The following UBE2T variants were observed in gnomAD, a reference collection of about 807,000 sequenced individuals.
UBE2T encodes the protein ubiquitin conjugating enzyme E2 T, also known as ubiquitin-conjugating enzyme E2 T.
UBE2T carries 15 observed loss-of-function variants against 23.3 expected under a neutral mutation model. The ratio of observed to expected loss-of-function variants is 0.64; its 90% confidence interval spans 0.43 to 0.99. The LOEUF is 0.99. Among genes scored for constraint, UBE2T ranks in the 50% least tolerant of loss-of-function variants. The probability of loss-of-function intolerance (pLI) is 0.00; values close to 1 mark genes in which losing one functional copy is unlikely to be tolerated. For synonymous variants in UBE2T, 67 were observed against 78.4 expected, an observed-to-expected ratio of 0.85 and a Z score of 0.77; for missense variants, 197 against 234.9, an observed-to-expected ratio of 0.84 and a Z score of 1.05.
At chr1:202,340,693 G>A (rs1654983249) in intron 1 of UBE2T, among the ~76,000 whole-genome samples, 1 of 152,102 alleles carries the variant, frequency 6.6e-6, no homozygotes, top group Admixed American at 6.5e-5. Context: ...CATCCCTCAT[G>A]GATACAGAGG....
Position 202,332,935 on chromosome 1 carries a change from A to C in UBE2T, c.468+75T>G, listed in dbSNP as rs963618763. On this transcript the variant is annotated intron_variant, in intron 6 of 6. Transcript: ENST00000646651. ...AAAAAAAAAAAAAAAAAAAAAAAAAAAAAAACATTATTTATACATATATAC... is the reference window on the plus strand; with the variant it reads ...AAAAAAAAAAAAAAAAAAAAAAAAACAAAAACATTATTTATACATATATAC... 21 of 498,280 alleles carry C rather than the reference A, an allele frequency of 4.2e-5. 1 individual carries two copies. Among genetic ancestry groups the C allele is most frequent in the East Asian group, 5.1e-5 (1 of 19,514 alleles). The allele number at this position is 498,280 out of a possible 1,614,324, so 30.9% of individuals were successfully genotyped here.
chr1:202,335,061 T>TA lies in UBE2T; in HGVS notation c.110-4dup. 6.2e-7 allele frequency: 1 copy of TA among 1,605,828 alleles called. No individual in the cohort carries two copies. The highest frequency in any genetic ancestry group is 8.5e-7 in the Non-Finnish European group (1 of 1,175,782). On this transcript the variant is annotated splice_polypyrimidine_tract_variant and splice_region_variant and intron_variant, in intron 2 of 6. Coordinates refer to ENST00000646651, the MANE Select transcript of UBE2T (RefSeq NM_014176.4). The surrounding 1 kb of genome is among the most constrained non-coding windows in gnomAD (Gnocchi z 4.0). ...TGTGTTGGCTCCACCTAATATTTCTTAAAAGAAAAAAGAAAGAAAAAGTTA... is the reference window on the plus strand; with the variant it reads ...TGTGTTGGCTCCACCTAATATTTCTTAAAAAGAAAAAAGAAAGAAAAAGTTA...
At chr1:202,334,824 G>A (rs1028869486) in intron 3 of UBE2T, among the ~76,000 whole-genome samples, 165 bp downstream of exon 3, 2 of 152,186 alleles carry the variant, frequency 1.3e-5, no homozygotes, top group Admixed American at 1.3e-4. Flanking sequence ...TCTGGAGAAG[G>A]AAACTGAACT....
chr1:202,333,047 C>G lies in UBE2T; in HGVS notation c.431G>C (p.Arg144Thr). 1.2e-6 allele frequency: 2 copies of G among 1,611,006 alleles called. No homozygotes were observed. Among genetic ancestry groups the G allele is most frequent in the African/African-American group, 2.7e-5 (2 of 74,374 alleles). Residue 144 changes from arginine to threonine, a missense_variant, in exon 6 of 7, where the codon AGA (arginine) becomes ACA (threonine). Arg to Thr is a moderately conservative substitution (Grantham distance 71). Coordinates refer to ENST00000646651, the MANE Select transcript of UBE2T (RefSeq NM_014176.4). ...TCTTGCATGCTTCTCTGTCCACTGT[C>G]TGGCATTCTTGAGGAAGGCTGGCTT... ...YNKPAFLKNARQWTEKHARQK... is the reference protein window; with the variant it reads ...YNKPAFLKNATQWTEKHARQK...
rs762338421 is a variant in UBE2T at position 202,332,929 on chromosome 1, A to AAAAAAAAAAAAC, written c.468+69_468+80dup. ...TCTCAAAAAAAAAAAAAAAAAAAAA[A>AAAAAAAAAAAAC]AAAAAAAAAAACATTATTTATACAT... On this transcript the variant is annotated intron_variant, in intron 6 of 6. Transcript: ENST00000646651. 451 of 459,012 alleles carry AAAAAAAAAAAAC rather than the reference A, an allele frequency of 9.8e-4. 3 individuals are homozygous for AAAAAAAAAAAAC. The highest frequency in any genetic ancestry group is 1.1e-3 in the Non-Finnish European group (350 of 319,984). The allele number at this position is 459,012 out of a possible 1,614,324, so 28.4% of individuals were successfully genotyped here.
chr1:202,338,559 A>T (rs572758680), intron 1 of UBE2T, among the ~76,000 whole-genome samples: 1 of 152,312 alleles, frequency 6.6e-6, no homozygotes, highest in African/African-American at 2.4e-5. Context: ...AGTAATGCTA[A>T]TGATGAATCT....
Position 202,331,929 on chromosome 1 carries a change from G to A in UBE2T, c.500C>T (p.Pro167Leu). ...ADEEEMLDNLPEAGDSRVHNS... is the reference protein window; with the variant it reads ...ADEEEMLDNLLEAGDSRVHNS... ...GTGTACTCTGGAGTCACCAGCCTCT[G>A]GTAGATTATCAAGCATCTCTTCCTC... The change falls in exon 7 of 7, where the codon CCA (proline) becomes CTA (leucine). Residue 167 changes from proline (P) to leucine (L), a missense_variant. Pro to Leu is a moderately conservative substitution (Grantham distance 98). Transcript: ENST00000646651. The A allele has an allele frequency of 1.2e-6, 2 of 1,614,024 alleles. No homozygotes were observed. Among genetic ancestry groups the A allele is most frequent in the Non-Finnish European group, 1.7e-6 (2 of 1,179,982 alleles).
chr1:202,336,853 GTC>G (rs1315116357), intron 1 of UBE2T, among the ~76,000 whole-genome samples: 1 of 152,048 alleles, frequency 6.6e-6, no homozygotes, highest in Non-Finnish European at 1.5e-5. Context: ...TATGCTCAAA[GTC>G]TCTCTCACCT....
At chr1:202,341,689 G>A (rs1363350139) in intron 1 of UBE2T, among the ~76,000 whole-genome samples, 2 of 151,956 alleles carry the variant, frequency 1.3e-5, no homozygotes, top group East Asian at 1.9e-4. Context: ...GTGGCAGGAG[G>A]ACGGCTCGGG....
chr1:202,337,306 GGT>G (rs1277464470), intron 1 of UBE2T, among the ~76,000 whole-genome samples: 1 of 151,938 alleles, frequency 6.6e-6, no homozygotes, highest in Non-Finnish European at 1.5e-5. Context: ...TGTTGTACAT[GGT>G]GTCTTTCAAT....
Position 202,337,043 on chromosome 1 carries a change from A to T in UBE2T, c.-64-1225T>A, listed in dbSNP as rs530778969. On this transcript the variant is annotated intron_variant, in intron 1 of 6. Transcript: ENST00000646651. ...ACTGCAACCTCAGCCTTCCGGGTTC[A>T]AGCAATTCTCTGCCTCAGCCTCCCG... Among the ~76,000 whole-genome samples, 53 of 152,248 alleles carry T rather than the reference A, an allele frequency of 3.5e-4. 1 individual carries two copies. In the South Asian group the frequency reaches 9.8e-3, roughly 28 times the overall value.
chr1:202,332,271 A>C (rs866454787), intron 6 of UBE2T, among the ~76,000 whole-genome samples: 5 of 152,196 alleles, frequency 3.3e-5, no homozygotes, highest in African/African-American at 9.7e-5. Flanking sequence ...ATCAACCTGA[A>C]GTTTTTCCTT....
At position 202,335,540 on chromosome 1, in the gene UBE2T, G is replaced by T; in HGVS notation, c.109+106C>A. ...GGGTAGAAAGATGGTAGGGCACTCT[G>T]ACCTTATAACTGCTCCTTACTTTAG... On this transcript the variant is annotated intron_variant, in intron 2 of 6. Coordinates refer to ENST00000646651, the MANE Select transcript of UBE2T (RefSeq NM_014176.4). This position sits in a 1 kb window ranked among gnomAD's most constrained non-coding sequence, Gnocchi z 4.0. 2 of 1,106,248 alleles carry T rather than the reference G, an allele frequency of 1.8e-6. No homozygotes were observed. The highest frequency in any genetic ancestry group is 1.4e-5 in the South Asian group (1 of 69,080). 68.5% of individuals were successfully genotyped at this position (1,106,248 alleles called of 1,614,324 possible). A position where few individuals can be genotyped will look rare whatever the true frequency, so the allele number is the denominator to read the frequency against.
In UBE2T at chr1:202,338,767, G is replaced by A. The variant is rs564570679; in HGVS notation, c.-64-2949C>T. 1.1e-4 allele frequency among the ~76,000 whole-genome samples: 16 copies of A among 152,246 alleles called. No individual in the cohort carries two copies. The South Asian group carries it at 2.5e-3, about 24-fold the overall frequency. ...ATGAGCCTGTAATCCCAGCTACTCA[G>A]GAGGCTAAGGTGGGAGGATGACCTG... On this transcript the variant is annotated intron_variant, in intron 1 of 6. Coordinates refer to ENST00000646651, the MANE Select transcript of UBE2T (RefSeq NM_014176.4).
chr1:202,333,216 G>A (rs12118491), intron 5 of UBE2T, 21 bp downstream of exon 5: 1 of 1,613,808 alleles, frequency 6.2e-7, no homozygotes, highest in Non-Finnish European at 8.5e-7. Flanking sequence ...ATGTGTTGCA[G>A]AGGAAAATGG....
In UBE2T at chr1:202,331,931, T is replaced by C. The variant is rs756990406; in HGVS notation, c.498A>G (p.Leu166=). 1.4e-5 allele frequency: 23 copies of C among 1,613,980 alleles called. No homozygotes were observed. Among genetic ancestry groups the C allele is most frequent in the East Asian group, 2.2e-5 (1 of 44,872 alleles). ...KADEEEMLDN[L]PEAGDSRVHN... ...GTACTCTGGAGTCACCAGCCTCTGGTAGATTATCAAGCATCTCTTCCTCAT... is the reference window on the plus strand; with the variant it reads ...GTACTCTGGAGTCACCAGCCTCTGGCAGATTATCAAGCATCTCTTCCTCAT... Residue 166 remains leucine, a synonymous_variant, in exon 7 of 7, where the codon CTA becomes CTG. Transcript: ENST00000646651.
Position 202,335,762 on chromosome 1 carries a change from A to T in UBE2T, c.-8T>A. ...ACGTGAAGCTCTCTGCATGATCCCC[A>T]AGTAGAAGGAACCACACACAGTTCA... On this transcript the variant is annotated 5_prime_UTR_variant, in exon 2 of 7. Coordinates refer to ENST00000646651, the MANE Select transcript of UBE2T (RefSeq NM_014176.4). This position sits in a 1 kb window ranked among gnomAD's most constrained non-coding sequence, Gnocchi z 4.0. 5 of 1,613,282 alleles carry T rather than the reference A, an allele frequency of 3.1e-6. No individual in the cohort carries two copies. Among genetic ancestry groups the T allele is most frequent in the Non-Finnish European group, 4.2e-6 (5 of 1,179,434 alleles).
rs1654807725 is a variant in UBE2T at position 202,333,286 on chromosome 1, T to TA, written c.334_335insT (p.Gln112LeufsTer10). The TA allele has an allele frequency of 6.2e-7, 1 of 1,614,068 alleles. No individual in the cohort carries two copies. The highest frequency in any genetic ancestry group is 1.3e-5 in the African/African-American group (1 of 74,906). On this transcript the variant is annotated frameshift_variant, in exon 5 of 7. Coordinates refer to ENST00000646651, the MANE Select transcript of UBE2T (RefSeq NM_014176.4). LOFTEE classifies it high-confidence loss of function. ...AGGGTTGGGTTCTGACATGAGCAGC[T>TA]GAATAGAGGTCAACACAGTTGCGAT...
At chr1:202,341,579 A>G (rs1270823922) in intron 1 of UBE2T, among the ~76,000 whole-genome samples, 1 of 126,602 alleles carries the variant, frequency 7.9e-6, no homozygotes, top group Non-Finnish European at 1.7e-5. Flanking sequence ...CTCCGTCTCA[A>G]AAAAAAAAAA....
Sources: gnomAD v4.1 joint callset for allele counts (sites outside exome capture counted in the v4.1 genomes callset) on GRCh38, gnomAD v4.1.1 for gene constraint, Gnocchi (gnomAD v3.1) non-coding constraint, MANE v1.5 for transcripts, NCBI Gene and HGNC (gene_info 2026-07-23, HGNC 2026-07-21) for gene names.